CEP350: variants seen among roughly 807,000 people sequenced by gnomAD.
CEP350 encodes centrosome-associated protein 350.
In CEP350, 126 loss-of-function variants were observed where a neutral mutation model predicts 331.8. The observed-to-expected ratio is 0.38, with a 90% CI of 0.33 to 0.44. CEP350 has a LOEUF of 0.44. Among genes scored for constraint, CEP350 ranks in the 20% least tolerant of loss-of-function variants. The pLI is 1.00. For synonymous variants in CEP350, 1,200 were observed against 1,259.5 expected, an observed-to-expected ratio of 0.95 and a Z score of 1.00; for missense variants, 3,406 against 3,634.6, an observed-to-expected ratio of 0.94 and a Z score of 1.62.
chr1:180,093,834 A>G lies in CEP350; in HGVS notation c.7729A>G (p.Asn2577Asp). 1 of 1,613,936 alleles carries G rather than the reference A, an allele frequency of 6.2e-7. No individual in the cohort carries two copies. The change falls in exon 34 of 38, where the codon AAT becomes GAT. Residue 2577 changes from asparagine to aspartate, a missense_variant. Physicochemically the swap from Asn to Asp is conservative, Grantham distance 23. Around this residue, in one of 5 missense-constraint regions of CEP350, gnomAD observed 1,415 missense variants for 1,512.3 expected, o/e 0.94. Transcript: ENST00000367607. ...AAACTTTGATGACTATGTAGACATTAATGAAGATGAAGACTGTTACTCAGA... is the reference window on the plus strand; with the variant it reads ...AAACTTTGATGACTATGTAGACATTGATGAAGATGAAGACTGTTACTCAGA... Reference protein sequence around the residue: ...PENFDDYVDINEDEDCYSDER... With the variant: ...PENFDDYVDIDEDEDCYSDER...
intron 21 of CEP350, among the ~76,000 whole-genome samples, 160 bp from the exon 22 acceptor site, chr1:180,048,376 T>C (rs1047533650): frequency 6.6e-6 from 1 of 152,248 alleles, no homozygotes; most frequent in Non-Finnish European, 1.5e-5. Context: ...CAATATATTC[T>C]CAGACTTATG....
At chr1:180,090,570 A>G (rs1660132494) in intron 32 of CEP350, 144 bp from the exon 33 acceptor site, 1 of 339,118 alleles carries the variant, frequency 2.9e-6, no homozygotes, top group East Asian at 6.1e-5. Flanking sequence ...AAAAAAAAAA[A>G]GAAATAGGCT....
At chr1:179,992,705 A>G (rs1653181410) in intron 5 of CEP350, among the ~76,000 whole-genome samples, 1 of 152,192 alleles carries the variant, frequency 6.6e-6, no homozygotes, top group Admixed American at 6.5e-5. Flanking sequence ...GCTTTCAGCA[A>G]CTTAGATGTT....
At chr1:180,068,102 A>G (rs1435582860) in intron 27 of CEP350, among the ~76,000 whole-genome samples, 1 of 152,210 alleles carries the variant, frequency 6.6e-6, no homozygotes, top group African/African-American at 2.4e-5. Context: ...AAGTTTAGCT[A>G]GTTTTTAGTG....
intron 1 of CEP350, among the ~76,000 whole-genome samples, chr1:179,982,853 C>T (rs905010887): frequency 2.6e-5 from 4 of 152,144 alleles, no homozygotes; most frequent in South Asian, 2.1e-4. Context: ...TCTTGTGGCG[C>T]GATCTTGGCT....
At chr1:180,015,736 CACT>C in intron 10 of CEP350, 110 bp from the exon 11 acceptor site, 1 of 1,236,188 alleles carries the variant, frequency 8.1e-7, no homozygotes, top group Non-Finnish European at 1.1e-6. Context: ...AAAAAAAAAC[CACT>C]ACATTTTATG....
chr1:180,030,749 C>G (rs1202247515), intron 14 of CEP350, among the ~76,000 whole-genome samples: 1 of 152,008 alleles, frequency 6.6e-6, no homozygotes, highest in Non-Finnish European at 1.5e-5. Context: ...CAGGTATTCT[C>G]TTGTTAGAAA....
chr1:179,974,282 A>G lies in CEP350; in HGVS notation c.-13-11887A>G, dbSNP rs553928281. Among the ~76,000 whole-genome samples, 5 of 152,062 alleles carry G rather than the reference A, an allele frequency of 3.3e-5. No homozygotes were observed. The South Asian group carries it at 8.3e-4, about 25-fold the overall frequency. ...TTTTTAGTAGAGACAGAGTTTCACC[A>G]TGTTAGCCAGGATGGTCTCGATCTC... On this transcript the variant is annotated intron_variant, in intron 1 of 37. Coordinates refer to ENST00000367607, the MANE Select transcript of CEP350 (RefSeq NM_014810.5).
At chr1:180,028,148 G>C (rs1372336987) in intron 14 of CEP350, among the ~76,000 whole-genome samples, 1 of 152,068 alleles carries the variant, frequency 6.6e-6, no homozygotes, top group African/African-American at 2.4e-5. Flanking sequence ...CAGAAATTTG[G>C]GAAATTCTTT....
At chr1:180,018,972 T>G (rs1450365364) in intron 11 of CEP350, among the ~76,000 whole-genome samples, 1 of 151,958 alleles carries the variant, frequency 6.6e-6, no homozygotes, top group African/African-American at 2.4e-5. Context: ...ACTTGTGCCT[T>G]AACCTCCCAA....
At chr1:180,018,527 A>C (rs985412876) in intron 11 of CEP350, among the ~76,000 whole-genome samples, 11 of 152,156 alleles carry the variant, frequency 7.2e-5, no homozygotes, top group African/African-American at 2.7e-4. Flanking sequence ...TGCATTTGTA[A>C]TAGCCTATAT....
intron 25 of CEP350, among the ~76,000 whole-genome samples, chr1:180,059,988 A>G (rs1658093515): frequency 6.6e-6 from 1 of 152,224 alleles, no homozygotes; most frequent in South Asian, 2.1e-4. Context: ...GTTAAAAAAA[A>G]AATCAAGCTA....
chr1:180,022,886 G>C, intron 13 of CEP350, 38 bp downstream of exon 13: 1 of 1,531,960 alleles, frequency 6.5e-7, no homozygotes, highest in Non-Finnish European at 8.8e-7. Context: ...ACTCTGAAGA[G>C]TGAGAAAAAT....
At chr1:180,045,661 T>A (rs764605373) in intron 21 of CEP350, among the ~76,000 whole-genome samples, 2 of 152,224 alleles carry the variant, frequency 1.3e-5, no homozygotes, top group African/African-American at 4.8e-5. Flanking sequence ...TCTGGATTAC[T>A]ATGGTGAACT....
intron 29 of CEP350, among the ~76,000 whole-genome samples, chr1:180,079,759 A>G (rs1659442616): frequency 2.0e-5 from 3 of 152,164 alleles, no homozygotes; most frequent in Admixed American, 2.0e-4. Context: ...TCTACCTAGC[A>G]TCATTATTGA....
chr1:180,098,957 A>T lies in CEP350; in HGVS notation c.9161A>T (p.Lys3054Met). 1 of 1,613,748 alleles carries T rather than the reference A, an allele frequency of 6.2e-7. No homozygotes were observed. The highest frequency in any genetic ancestry group is 8.5e-7 in the Non-Finnish European group (1 of 1,179,770). Residue 3054 changes from lysine to methionine, a missense_variant, in exon 37 of 38, where the codon AAG becomes ATG. By Grantham distance (95) the Lys-to-Met change is moderately conservative. Transcript: ENST00000367607. ...CAGAAAATGATGAAATTTGGAAGAA[A>T]GAAAAGAGACCGAGTGGATCATATC... ...DWQKMMKFGRKKRDRVDHILV... is the reference protein window; with the variant it reads ...DWQKMMKFGRMKRDRVDHILV...
At chr1:180,071,963 G>A (rs1239974651) in intron 27 of CEP350, among the ~76,000 whole-genome samples, 1 of 152,032 alleles carries the variant, frequency 6.6e-6, no homozygotes, top group East Asian at 1.9e-4. Flanking sequence ...TGTATTAGTC[G>A]GCATTTATGT....
At chr1:180,059,591 A>T (rs1658068902) in intron 25 of CEP350, among the ~76,000 whole-genome samples, 1 of 151,212 alleles carries the variant, frequency 6.6e-6, no homozygotes, top group South Asian at 2.1e-4. Flanking sequence ...TGATTAATTC[A>T]AGAAGTATTT....
intron 7 of CEP350, among the ~76,000 whole-genome samples, chr1:180,005,422 T>A (rs1203909286): frequency 6.6e-6 from 1 of 152,088 alleles, no homozygotes; most frequent in African/African-American, 2.4e-5. Context: ...CCTCATATTT[T>A]GTATGTAATA....
Sources: gnomAD v4.1 joint callset for allele counts (sites outside exome capture counted in the v4.1 genomes callset) on GRCh38, gnomAD v4.1.1 for gene constraint, gnomAD v4.1.1 regional missense constraint, MANE v1.5 for transcripts, NCBI Gene and HGNC (gene_info 2026-07-23, HGNC 2026-07-21) for gene names.